The following MPZ variants were observed in gnomAD, a reference collection of about 807,000 sequenced individuals.
The protein encoded by MPZ is myelin protein P0.
MPZ carries 13 observed loss-of-function variants against 27.9 expected under a neutral mutation model. That is an observed-to-expected ratio of 0.47 (90% CI 0.30 to 0.74). The LOEUF (loss-of-function observed/expected upper bound fraction) is 0.74. Among genes scored for constraint, MPZ ranks in the 30% least tolerant of loss-of-function variants. MPZ has a pLI of 0.06. For missense variants in MPZ, 256 were observed against 317.5 expected (o/e 0.81, Z 1.47); for synonymous variants, 118 against 128.9 (o/e 0.92, Z 0.57).
Position 161,305,792 on chromosome 1 carries a change from TA to T in MPZ, c.*83del. 1 of 1,009,932 alleles carries T rather than the reference TA, an allele frequency of 9.9e-7. No homozygotes were observed. The highest frequency in any genetic ancestry group is 1.5e-5 in the South Asian group (1 of 67,282). The allele number at this position is 1,009,932 out of a possible 1,614,324, so 62.6% of individuals were successfully genotyped here. On this transcript the variant is annotated 3_prime_UTR_variant, in exon 6 of 6. Transcript: ENST00000533357. ...GCTCCGGGCTCTGCTCATCCTTTCGTAGCTCCATCTCGATGACCATCACCTT... is the reference window on the plus strand; with the variant it reads ...GCTCCGGGCTCTGCTCATCCTTTCGTGCTCCATCTCGATGACCATCACCTT...
chr1:161,307,204 T>C (rs1670281094), intron 2 of MPZ, 54 bp downstream of exon 2: 2 of 1,609,826 alleles, frequency 1.2e-6, no homozygotes, highest in Admixed American at 3.3e-5. Flanking sequence ...TCTTTTTTGT[T>C]GTTCTTTGAA....
chr1:161,309,552 A>ATATATATATATATATATTTTTTTTTTTT, intron 1 of MPZ, among the ~76,000 whole-genome samples: 5 of 80,636 alleles, frequency 6.2e-5, no homozygotes, highest in South Asian at 3.8e-4. Context: ...ATATATATAT[A>ATATATATATATATATATTTTTTTTTTTT]TTTTTTTTTT....
In MPZ at chr1:161,305,850, CGA is replaced by C; in HGVS notation, c.*24_*25del. 6.4e-7 allele frequency: 1 copy of C among 1,564,988 alleles called. No individual in the cohort carries two copies. The highest frequency in any genetic ancestry group is 8.8e-7 in the Non-Finnish European group (1 of 1,139,544). On this transcript the variant is annotated 3_prime_UTR_variant, in exon 6 of 6. Coordinates refer to ENST00000533357, the MANE Select transcript of MPZ (RefSeq NM_000530.8). The stretch of plus-strand genomic sequence containing the variant: ...TTTGGCGGACTCCACCCCTAACCCC[CGA>C]TCCCCCGCCCGGCCCGCTAACCGCT...
At chr1:161,307,177 C>G (rs890749569) in intron 2 of MPZ, 81 bp downstream of exon 2, 179 of 1,567,918 alleles carry the variant, frequency 1.1e-4, no homozygotes, top group Non-Finnish European at 1.5e-4. Context: ...GGATTTCCCC[C>G]TCCTTAGCCC....
At chr1:161,306,036 C>T in intron 5 of MPZ, 59 bp from the exon 6 acceptor site, 1 of 1,608,088 alleles carries the variant, frequency 6.2e-7, no homozygotes. Context: ...GTTCCCATCC[C>T]ACCCCTCACT....
At chr1:161,303,800 TC>T (rs941648399), downstream of MPZ, among the ~76,000 whole-genome samples, 12 of 152,052 alleles carry the variant, frequency 7.9e-5, no homozygotes, top group South Asian at 2.1e-4. Flanking sequence ...CTCTCCCACT[TC>T]CCCCCAACAA....
At chr1:161,304,534 C>T (rs578094803), downstream of MPZ, among the ~76,000 whole-genome samples, 3 of 152,236 alleles carry the variant, frequency 2.0e-5, no homozygotes, top group East Asian at 1.9e-4. Flanking sequence ...GAGTTTACAA[C>T]GTAGTATAAT....
At chr1:161,306,514 G>C in intron 3 of MPZ, 50 bp from the exon 4 acceptor site, 6 of 1,612,614 alleles carry the variant, frequency 3.7e-6, no homozygotes, top group Non-Finnish European at 5.1e-6. Flanking sequence ...CCCTGTATCT[G>C]TGGTTCCTAG....
chr1:161,306,585 C>T, intron 3 of MPZ, 121 bp from the exon 4 acceptor site: 1 of 1,550,656 alleles, frequency 6.4e-7, no homozygotes, highest in South Asian at 1.1e-5. Flanking sequence ...CTTCTGCCCA[C>T]GCTCCCAGAG....
At position 161,305,673 on chromosome 1, in the gene MPZ, G is replaced by T; in HGVS notation, c.*203C>A. The T allele has an allele frequency of 1.7e-6, 1 of 592,132 alleles. No homozygotes were observed. Among genetic ancestry groups the T allele is most frequent in the Non-Finnish European group, 3.0e-6 (1 of 333,136 alleles). The allele number at this position is 592,132 out of a possible 1,614,324, so 36.7% of individuals were successfully genotyped here. On this transcript the variant is annotated 3_prime_UTR_variant, in exon 6 of 6. Transcript: ENST00000533357. ...CCTGCTCTGGCAGGGCCTGGGGTGG[G>T]GGGGTGGCGATCACTTGTCCGAGTT...
intron 2 of MPZ, 116 bp from the exon 3 acceptor site, chr1:161,307,037 A>AAAAAAAAAAAC (rs1670275302): frequency 1.1e-6 from 1 of 920,448 alleles, no homozygotes; most frequent in African/African-American, 1.7e-5. Flanking sequence ...AAAAAAAAAA[A>AAAAAAAAAAAC]AGCTTCGCTC....
At chr1:161,307,060 A>T in intron 2 of MPZ, 139 bp from the exon 3 acceptor site, 1 of 907,106 alleles carries the variant, frequency 1.1e-6, no homozygotes, top group Non-Finnish European at 1.7e-6. Flanking sequence ...GCCTCAGGGT[A>T]AGGGATCTTG....
In MPZ at chr1:161,305,625, G is replaced by A. The variant is rs772995394; in HGVS notation, c.*251C>T. The A allele has an allele frequency of 3.6e-6, 2 of 551,986 alleles. No individual in the cohort carries two copies. Among genetic ancestry groups the A allele is most frequent in the East Asian group, 6.0e-5 (2 of 33,366 alleles). The allele number at this position is 551,986 out of a possible 1,614,324, so 34.2% of individuals were successfully genotyped here. Reference sequence around the variant, plus strand: ...AGCAAAGAGGGAAAGCACCTAGACGGGGGTAAGAGGAGCCTAGGTCCCCCT... The same window carrying A: ...AGCAAAGAGGGAAAGCACCTAGACGAGGGTAAGAGGAGCCTAGGTCCCCCT... On this transcript the variant is annotated 3_prime_UTR_variant, in exon 6 of 6. Transcript: ENST00000533357.
Position 161,306,637 on chromosome 1 carries a change from C to G in MPZ, c.448+71G>C. On this transcript the variant is annotated intron_variant, in intron 3 of 5. Coordinates refer to ENST00000533357, the MANE Select transcript of MPZ (RefSeq NM_000530.8). ...TAGGCCGGGCTTTTTGCCTCTTCCC[C>G]CAACCTATCAGTCCTCCCTGATCCC... The G allele has an allele frequency of 4.4e-6, 7 of 1,577,858 alleles. No individual in the cohort carries two copies. In the South Asian group the frequency reaches 6.7e-5, roughly 15 times the overall value.
chr1:161,309,265 T>C (rs925099169), intron 1 of MPZ, among the ~76,000 whole-genome samples: 10 of 152,164 alleles, frequency 6.6e-5, no homozygotes, highest in African/African-American at 2.4e-4. Flanking sequence ...GATCGCACTC[T>C]CTTTTTCCTT....
chr1:161,308,029 T>G (rs1670305251), intron 1 of MPZ, among the ~76,000 whole-genome samples: 1 of 152,204 alleles, frequency 6.6e-6, no homozygotes, highest in South Asian at 2.1e-4. Context: ...TGTATTCTAG[T>G]GTCTTTTTGC....
At position 161,305,885 on chromosome 1, in the gene MPZ, A is replaced by G. The variant is rs1571816986; in HGVS notation, c.738T>C (p.Asp246=). The G allele has an allele frequency of 3.7e-6, 6 of 1,611,274 alleles. No homozygotes were observed. The highest frequency in any genetic ancestry group is 5.1e-6 in the Non-Finnish European group (6 of 1,178,178). The part of the protein sequence containing the change: ...KAKGLGESRK[D]KK ...CCCGGCCCGCTAACCGCTATTTCTTATCCTTGCGAGACTCCCCCAGCCCCT... is the reference window on the plus strand; with the variant it reads ...CCCGGCCCGCTAACCGCTATTTCTTGTCCTTGCGAGACTCCCCCAGCCCCT... The change falls in exon 6 of 6, where the codon GAT becomes GAC. Residue 246 remains aspartate, a synonymous_variant. Coordinates refer to ENST00000533357, the MANE Select transcript of MPZ (RefSeq NM_000530.8).
At chr1:161,306,564 G>A (rs1670254043) in intron 3 of MPZ, 100 bp from the exon 4 acceptor site, 15 of 1,573,224 alleles carry the variant, frequency 9.5e-6, no homozygotes, top group Non-Finnish European at 1.2e-5. Flanking sequence ...AGGACTCCCA[G>A]CTAAAACTGC....
Position 161,306,452 on chromosome 1 carries a change from T to C in MPZ, c.461A>G (p.Tyr154Cys). The C allele has an allele frequency of 2.5e-6, 4 of 1,614,148 alleles. No homozygotes were observed. Among genetic ancestry groups the C allele is most frequent in the Non-Finnish European group, 3.4e-6 (4 of 1,180,028 alleles). The change falls in exon 4 of 6, where the codon TAC becomes TGC. Residue 154 changes from tyrosine to cysteine, a missense_variant. Transcript: ENST00000533357. ...GATCACAGCTCCCAGAACGACCCCG[T>C]ACCTAGTTGGCACTAGGAGGGGTGG... Reference protein sequence around the residue: ...LYVFEKVPTRYGVVLGAVIGG... With the variant: ...LYVFEKVPTRCGVVLGAVIGG...
Sources: allele counts gnomAD v4.1 joint callset (sites outside exome capture counted in the v4.1 genomes callset), GRCh38; gene constraint gnomAD v4.1.1; transcripts MANE v1.5; gene names NCBI Gene and HGNC (gene_info 2026-07-23, HGNC 2026-07-21).